FARS2: variants seen among roughly 807,000 people sequenced by gnomAD.
FARS2 encodes phenylalanyl-tRNA synthetase 2, mitochondrial.
A neutral mutation model predicts 46.4 loss-of-function variants in FARS2; 40 were observed. The ratio of observed to expected loss-of-function variants is 0.86; its 90% CI spans 0.67 to 1.12. The LOEUF (loss-of-function observed/expected upper bound fraction) is 1.12, where lower values mean the gene tolerates loss of function less well. FARS2 is among the 50% of genes most tolerant of loss of function. FARS2 has a pLI of 0.00. For synonymous variants in FARS2, 234 were observed against 214.9 expected (o/e 1.09, Z -0.78); for missense variants, 513 against 567.9 (o/e 0.90, Z 0.98).
intron 6 of FARS2, among the ~76,000 whole-genome samples, chr6:5,671,955 G>T (rs1027855969): frequency 6.6e-6 from 1 of 152,172 alleles, no homozygotes; most frequent in Non-Finnish European, 1.5e-5. Flanking sequence ...CGTGAGGAAC[G>T]TGCATTTGCG....
rs117673847 is a variant in FARS2, at chr6:5,343,115, A to G, written c.-21-25435A>G. On this transcript the variant is annotated intron_variant, in intron 1 of 6. Transcript: ENST00000274680. This position sits in a 1 kb window ranked among gnomAD's most constrained non-coding sequence, Gnocchi z 4.5. ...CATTGATATCTCCTTACAGTTAATA[A>G]TGGTAGTAATAATTTATTTTACCGA... Among the ~76,000 whole-genome samples, 1 of 152,312 alleles carries G rather than the reference A, an allele frequency of 6.6e-6. No individual in the cohort carries two copies. Among genetic ancestry groups the G allele is most frequent in the East Asian group, 1.9e-4 (1 of 5,194 alleles).
chr6:5,634,774 C>T (rs1776462409), intron 6 of FARS2, among the ~76,000 whole-genome samples: 1 of 152,190 alleles, frequency 6.6e-6, no homozygotes, highest in Non-Finnish European at 1.5e-5. Flanking sequence ...TTGGAGGCCA[C>T]AGTGTAGCCA....
chr6:5,295,367 A>G (rs1767782745), intron 1 of FARS2, among the ~76,000 whole-genome samples: 1 of 152,198 alleles, frequency 6.6e-6, no homozygotes, highest in Non-Finnish European at 1.5e-5. Context: ...TTTCAATTGT[A>G]GCTCATGGTG....
At chr6:5,561,683 C>T (rs544025256) in intron 5 of FARS2, among the ~76,000 whole-genome samples, 6 of 151,854 alleles carry the variant, frequency 4.0e-5, no homozygotes, top group South Asian at 4.2e-4. Flanking sequence ...ATTTTTGTTC[C>T]GGGATTCATA....
intron 5 of FARS2, among the ~76,000 whole-genome samples, chr6:5,603,330 A>G (rs1399772330): frequency 6.6e-6 from 1 of 152,178 alleles, no homozygotes; most frequent in Non-Finnish European, 1.5e-5. Flanking sequence ...GTAGATTTAG[A>G]CAGCTTGTTA....
intron 5 of FARS2, among the ~76,000 whole-genome samples, chr6:5,563,760 A>G (rs546253691): frequency 6.6e-6 from 1 of 152,300 alleles, no homozygotes; most frequent in South Asian, 2.1e-4. Flanking sequence ...AGTATGGAGT[A>G]TACAGGGTCC....
intron 5 of FARS2, among the ~76,000 whole-genome samples, chr6:5,595,935 T>A (rs1204915058): frequency 6.6e-6 from 1 of 152,064 alleles, no homozygotes; most frequent in Admixed American, 6.5e-5. Flanking sequence ...TTAGACCTCA[T>A]TTGAAGATGA....
chr6:5,285,533 G>A (rs1047152066), intron 1 of FARS2, among the ~76,000 whole-genome samples: 1 of 152,198 alleles, frequency 6.6e-6, no homozygotes, highest in Admixed American at 6.5e-5. Flanking sequence ...GGAGGACCAT[G>A]GGGGACTCAT....
chr6:5,512,694 A>G (rs1262159866), intron 4 of FARS2, among the ~76,000 whole-genome samples: 3 of 152,210 alleles, frequency 2.0e-5, no homozygotes, highest in South Asian at 2.1e-4. Context: ...ACAAAGGACA[A>G]TTCAAGCAGA....
chr6:5,624,252 C>T (rs1263837379), intron 6 of FARS2, among the ~76,000 whole-genome samples: 4 of 152,200 alleles, frequency 2.6e-5, no homozygotes, highest in African/African-American at 9.7e-5. Flanking sequence ...TAACAGCTTA[C>T]GATGGGTGCA....
At chr6:5,712,494 C>G (rs1200802923) in intron 6 of FARS2, among the ~76,000 whole-genome samples, 1 of 152,202 alleles carries the variant, frequency 6.6e-6, no homozygotes, top group South Asian at 2.1e-4. Context: ...TTTAGAACCA[C>G]CGTTTCCCCT....
chr6:5,272,252 A>G (rs1766013250), intron 1 of FARS2, among the ~76,000 whole-genome samples: 1 of 152,242 alleles, frequency 6.6e-6, no homozygotes, highest in Non-Finnish European at 1.5e-5. Context: ...ACTTTGAGAG[A>G]GAGAAGAGAC....
intron 6 of FARS2, among the ~76,000 whole-genome samples, chr6:5,684,246 C>T (rs903581362): frequency 6.6e-6 from 1 of 152,108 alleles, no homozygotes; most frequent in Non-Finnish European, 1.5e-5. Context: ...GGACCATCCC[C>T]GATGTGCCAG....
intron 5 of FARS2, among the ~76,000 whole-genome samples, chr6:5,548,069 G>A (rs1771146632): frequency 6.6e-6 from 1 of 152,170 alleles, no homozygotes; most frequent in Admixed American, 6.5e-5. Flanking sequence ...GCAGCAGCAA[G>A]AGAAAATGAT....
At chr6:5,475,642 T>G (rs1484334963) in intron 4 of FARS2, among the ~76,000 whole-genome samples, 2 of 152,170 alleles carry the variant, frequency 1.3e-5, no homozygotes, top group East Asian at 3.9e-4. Flanking sequence ...CATAGACCCC[T>G]CTTTACTTCC....
intron 2 of FARS2, among the ~76,000 whole-genome samples, chr6:5,379,122 G>T (rs993337650): frequency 2.0e-5 from 3 of 152,184 alleles, no homozygotes; most frequent in African/African-American, 7.2e-5. Flanking sequence ...TGTGCCTGGT[G>T]TCTCCAGCTG....
chr6:5,674,208 A>AAAG, intron 6 of FARS2, among the ~76,000 whole-genome samples: 1 of 150,342 alleles, frequency 6.7e-6, no homozygotes, highest in Non-Finnish European at 1.5e-5. Flanking sequence ...AAAAAAAAAA[A>AAAG]AAAAAAGGAA....
chr6:5,579,715 C>T (rs556593818), intron 5 of FARS2, among the ~76,000 whole-genome samples: 1 of 152,164 alleles, frequency 6.6e-6, no homozygotes, highest in Admixed American at 6.5e-5. Flanking sequence ...AGTCCCTGAC[C>T]AGCACTTCGT....
chr6:5,685,018 C>A (rs554119027), intron 6 of FARS2, among the ~76,000 whole-genome samples: 2 of 152,224 alleles, frequency 1.3e-5, no homozygotes, highest in South Asian at 4.1e-4. Flanking sequence ...AAACTCAGAA[C>A]CCTTGACCCT....
Sources: allele counts gnomAD v4.1 joint callset (sites outside exome capture counted in the v4.1 genomes callset), GRCh38; gene constraint gnomAD v4.1.1; non-coding constraint Gnocchi (gnomAD v3.1); transcripts MANE v1.5; gene names NCBI Gene and HGNC (gene_info 2026-07-23, HGNC 2026-07-21).